The following SYN3 variants were observed in gnomAD, a reference collection of about 807,000 sequenced individuals.
SYN3 encodes synapsin III.
A neutral mutation model predicts 65.8 loss-of-function variants in SYN3; 35 were observed. The observed-to-expected ratio is 0.53, with a 90% CI of 0.41 to 0.70. The LOEUF is 0.70. Ranked by LOEUF, SYN3 falls within the 30% of genes least tolerant of loss-of-function variation. The pLI, the probability that SYN3 is intolerant of heterozygous loss-of-function variation, is 0.00. For missense variants in SYN3, 680 were observed against 749.0 expected, an observed-to-expected ratio of 0.91 and a Z score of 1.08; for synonymous variants, 270 against 292.9, an observed-to-expected ratio of 0.92 and a Z score of 0.80.
intron 4 of SYN3, among the ~76,000 whole-genome samples, chr22:32,891,108 C>T (rs58811278): frequency 0.052 from 7,880 of 152,260 alleles, 252 homozygotes; most frequent in Middle Eastern, 0.099. Flanking sequence ...GTCCAGGGCC[C>T]TGCTCCAGTT....
intron 6 of SYN3, among the ~76,000 whole-genome samples, chr22:32,675,028 C>A (rs1418017072): frequency 2.0e-5 from 3 of 152,182 alleles, no homozygotes; most frequent in African/African-American, 7.2e-5. Context: ...AAAGACTGAA[C>A]AAAGTTCTGT....
At chr22:32,874,918 C>T (rs12160008) in intron 4 of SYN3, among the ~76,000 whole-genome samples, 2,445 of 152,268 alleles carry the variant, frequency 0.016, 28 homozygotes, top group Middle Eastern at 0.041. Context: ...ACCGAGTAAA[C>T]CAGCAAATGG....
intron 6 of SYN3, among the ~76,000 whole-genome samples, chr22:32,775,364 G>A (rs556782668): frequency 5.3e-5 from 8 of 152,256 alleles, no homozygotes; most frequent in Admixed American, 4.6e-4. Flanking sequence ...TGAATTTTGG[G>A]GGGACATAAT....
intron 6 of SYN3, among the ~76,000 whole-genome samples, chr22:32,622,319 G>A (rs1414080991): frequency 4.0e-5 from 6 of 151,856 alleles, no homozygotes; most frequent in East Asian, 1.9e-4. Flanking sequence ...TCAAATCCCC[G>A]TTCCCACCTC....
chr22:32,935,315 C>T (rs35250557), intron 3 of SYN3, among the ~76,000 whole-genome samples: 3,503 of 152,090 alleles, frequency 0.023, 73 homozygotes, highest in East Asian at 0.055. Flanking sequence ...CTCTCACACA[C>T]ACACACACAA....
intron 6 of SYN3, among the ~76,000 whole-genome samples, chr22:32,735,390 C>A (rs192332548): frequency 7.3e-4 from 111 of 152,332 alleles, no homozygotes; most frequent in African/African-American, 2.5e-3. Context: ...TCAATCAATG[C>A]TAGCTATTAT....
intron 6 of SYN3, among the ~76,000 whole-genome samples, chr22:32,737,915 T>C (rs2061355004): frequency 6.6e-6 from 1 of 152,168 alleles, no homozygotes. Flanking sequence ...ATGGAGGCCA[T>C]GCGCTCCAGA....
At chr22:32,627,027 G>T (rs1303327039) in intron 6 of SYN3, among the ~76,000 whole-genome samples, 1 of 151,360 alleles carries the variant, frequency 6.6e-6, no homozygotes. Context: ...CCCCCACACA[G>T]AGTCTCAGTT....
intron 6 of SYN3, among the ~76,000 whole-genome samples, chr22:32,809,352 TG>T (rs1037692884): frequency 6.6e-6 from 1 of 152,254 alleles, no homozygotes; most frequent in Non-Finnish European, 1.5e-5. Context: ...TCCCCACTGT[TG>T]GGGTCCCCGT....
intron 6 of SYN3, among the ~76,000 whole-genome samples, chr22:32,754,214 C>T (rs1339215042): frequency 4.6e-5 from 7 of 152,004 alleles, no homozygotes; most frequent in Admixed American, 2.0e-4. Flanking sequence ...TGCAGTGGCG[C>T]GATCTTGGTT....
At chr22:32,561,450 G>T (rs2058585344) in intron 7 of SYN3, among the ~76,000 whole-genome samples, 1 of 152,184 alleles carries the variant, frequency 6.6e-6, no homozygotes, top group African/African-American at 2.4e-5. Flanking sequence ...TGCAGAGAAG[G>T]TATTTTTGCT....
At chr22:32,926,849 T>C (rs1336151867) in intron 4 of SYN3, among the ~76,000 whole-genome samples, 1 of 152,184 alleles carries the variant, frequency 6.6e-6, no homozygotes, top group Non-Finnish European at 1.5e-5. Flanking sequence ...AGAGGGCGAA[T>C]CCAGAAGATG....
chr22:32,701,534 A>T (rs958296634), intron 6 of SYN3, among the ~76,000 whole-genome samples: 1 of 152,236 alleles, frequency 6.6e-6, no homozygotes, highest in East Asian at 1.9e-4. Context: ...TCTTACAAAT[A>T]TGTCCAAGGA....
intron 7 of SYN3, among the ~76,000 whole-genome samples, chr22:32,556,795 GGTTTCCTGGTTTT>G (rs766460886): frequency 0.57 from 48,987 of 86,670 alleles, 15,894 homozygotes; most frequent in East Asian, 0.74. Flanking sequence ...CCAATCTATA[GGTTTCCTGGTTTT>G]TTTTTTTTTT....
At position 32,711,315 on chromosome 22, in the gene SYN3, C is replaced by A. The variant is rs181621958; in HGVS notation, c.712-114579G>T. 1.9e-3 allele frequency among the ~76,000 whole-genome samples: 285 copies of A among 152,268 alleles called. 1 individual carries two copies. Among genetic ancestry groups the A allele is most frequent in the Admixed American group, 2.1e-3 (32 of 15,292 alleles). The stretch of plus-strand genomic sequence containing the variant: ...CTTGGCATGGGGAGACGATCTGAAC[C>A]AATTGGATTCATTCTCTTGGGAATT... On this transcript the variant is annotated intron_variant, in intron 6 of 13. Transcript: ENST00000358763.
chr22:32,940,831 T>C lies in SYN3; in HGVS notation c.370-9350A>G, dbSNP rs543528383. 3.9e-5 allele frequency among the ~76,000 whole-genome samples: 6 copies of C among 152,328 alleles called. No homozygotes were observed. In the South Asian group the frequency reaches 1.2e-3, roughly 32 times the overall value. On this transcript the variant is annotated intron_variant, in intron 3 of 13. Transcript: ENST00000358763. ...AAGTGACCCAAACAAGCCCCAGTGA[T>C]GACAGGAGCAAAGGCAAGATAGGAT...
chr22:32,739,182 G>C (rs1403024080), intron 6 of SYN3, among the ~76,000 whole-genome samples: 1 of 151,642 alleles, frequency 6.6e-6, no homozygotes, highest in South Asian at 2.1e-4. Context: ...ACAGGGGGGG[G>C]GCGGTTTCCC....
At chr22:32,588,144 C>T (rs1404435888) in intron 7 of SYN3, among the ~76,000 whole-genome samples, 2 of 152,114 alleles carry the variant, frequency 1.3e-5, no homozygotes, top group Non-Finnish European at 2.9e-5. Flanking sequence ...CGTATTATTA[C>T]TACTCTTCTC....
rs576340383 is a variant in SYN3 at position 32,511,252 on chromosome 22, G to A, written c.*2440C>T. Among the ~76,000 whole-genome samples the A allele has an allele frequency of 7.2e-5, 11 of 152,200 alleles. No individual in the cohort carries two copies. The East Asian group carries it at 1.5e-3, about 21-fold the overall frequency. On this transcript the variant is annotated 3_prime_UTR_variant, in exon 14 of 14. Coordinates refer to ENST00000358763, the MANE Select transcript of SYN3 (RefSeq NM_003490.4). ...CAGGAGGATGAAGCAAAGTTCTACC[G>A]GATTATAAATGGTCTGATCTATTCC...
Sources: allele counts gnomAD v4.1 joint callset (sites outside exome capture counted in the v4.1 genomes callset), GRCh38; gene constraint gnomAD v4.1.1; transcripts MANE v1.5; gene names NCBI Gene and HGNC (gene_info 2026-07-23, HGNC 2026-07-21).